CACNA1E: variants seen among roughly 807,000 people sequenced by gnomAD.
CACNA1E encodes the protein voltage-dependent R-type calcium channel subunit alpha-1E.
A neutral mutation model predicts 259.2 loss-of-function variants in CACNA1E; 40 were observed. That is an observed-to-expected ratio of 0.15 (90% CI 0.12 to 0.20). The LOEUF (loss-of-function observed/expected upper bound fraction) is 0.20. CACNA1E is among the 10% of genes least tolerant of loss of function. CACNA1E has a pLI of 1.00. For synonymous variants in CACNA1E, 1,104 were observed against 1,138.5 expected (o/e 0.97, Z 0.61); for missense variants, 1,874 against 3,040.1 (o/e 0.62, Z 9.02).
intron 3 of CACNA1E, among the ~76,000 whole-genome samples, chr1:181,539,748 G>A (rs1350141418): frequency 6.6e-6 from 1 of 152,194 alleles, no homozygotes; most frequent in Non-Finnish European, 1.5e-5. Flanking sequence ...TGAATATTAT[G>A]TATAAAACCA....
intron 38 of CACNA1E, among the ~76,000 whole-genome samples, chr1:181,779,084 G>A (rs1017920207): frequency 7.2e-5 from 11 of 152,190 alleles, no homozygotes; most frequent in African/African-American, 1.4e-4. Context: ...TCTGGACAGC[G>A]GTCTGAGTCA....
chr1:181,649,956 A>G (rs1364890722), intron 6 of CACNA1E, among the ~76,000 whole-genome samples: 1 of 152,236 alleles, frequency 6.6e-6, no homozygotes, highest in African/African-American at 2.4e-5. Context: ...CCCCTCTGAC[A>G]TGAATTTACC....
At chr1:181,726,351 AC>A (rs1392873280) in intron 18 of CACNA1E, among the ~76,000 whole-genome samples, 189 bp downstream of exon 18, 42 of 152,226 alleles carry the variant, frequency 2.8e-4, no homozygotes, top group Admixed American at 2.7e-3. Flanking sequence ...TAGATAATAA[AC>A]ATGCACATCA....
chr1:181,647,412 T>C (rs199974), intron 6 of CACNA1E, among the ~76,000 whole-genome samples: 147,200 of 152,224 alleles, frequency 0.97, 71,361 homozygotes, highest in Non-Finnish European at 1. Flanking sequence ...GTCACAGAAG[T>C]TGGGGGGGAT....
chr1:181,771,126 A>T (rs1362260143), intron 35 of CACNA1E, among the ~76,000 whole-genome samples, 167 bp from the exon 36 acceptor site: 3 of 152,170 alleles, frequency 2.0e-5, no homozygotes, highest in Non-Finnish European at 4.4e-5. Flanking sequence ...TTATTCTTGC[A>T]TATCAGCCCA....
intron 2 of CACNA1E, among the ~76,000 whole-genome samples, chr1:181,446,738 G>A (rs767912100): frequency 2.5e-4 from 38 of 152,162 alleles, no homozygotes; most frequent in Admixed American, 1.2e-3. Context: ...TTGTAGAGCA[G>A]ATTTTCACAT....
chr1:181,502,765 C>A (rs1055787710), intron 1 of CACNA1E, among the ~76,000 whole-genome samples: 2 of 152,182 alleles, frequency 1.3e-5, no homozygotes, highest in Non-Finnish European at 2.9e-5. Context: ...GTGGTATGAT[C>A]TCGGCTCACC....
At chr1:181,699,940 G>T (rs1182782721) in intron 7 of CACNA1E, among the ~76,000 whole-genome samples, 1 of 152,164 alleles carries the variant, frequency 6.6e-6, no homozygotes, top group African/African-American at 2.4e-5. Flanking sequence ...CCAAGTAGCT[G>T]ATGTCAAGTT....
intron 1 of CACNA1E, among the ~76,000 whole-genome samples, chr1:181,335,767 G>A (rs1335991796): frequency 3.9e-5 from 6 of 152,172 alleles, no homozygotes; most frequent in Non-Finnish European, 8.8e-5. Flanking sequence ...CCTGACATAT[G>A]GACACTTCAG....
At chr1:181,595,674 C>T (rs543253697) in intron 6 of CACNA1E, among the ~76,000 whole-genome samples, 4 of 152,226 alleles carry the variant, frequency 2.6e-5, no homozygotes, top group East Asian at 1.9e-4. Flanking sequence ...GAGAGGCATC[C>T]GTGGCTGGCC....
chr1:181,556,504 G>A (rs1648736446), intron 3 of CACNA1E, among the ~76,000 whole-genome samples: 1 of 152,308 alleles, frequency 6.6e-6, no homozygotes, highest in East Asian at 1.9e-4. Flanking sequence ...GGGAGGCAGA[G>A]GGTGGAGCAG....
At chr1:181,594,336 A>G (rs1652949312) in intron 6 of CACNA1E, among the ~76,000 whole-genome samples, 1 of 152,226 alleles carries the variant, frequency 6.6e-6, no homozygotes, top group South Asian at 2.1e-4. Flanking sequence ...TGAGTATTTT[A>G]GAAAACCACA....
At chr1:181,543,518 T>C (rs907009488) in intron 3 of CACNA1E, among the ~76,000 whole-genome samples, 1 of 152,192 alleles carries the variant, frequency 6.6e-6, no homozygotes, top group Non-Finnish European at 1.5e-5. Context: ...GGAATAGTGC[T>C]TTCAGAACAG....
intron 6 of CACNA1E, among the ~76,000 whole-genome samples, chr1:181,599,668 G>A (rs989032539): frequency 4.6e-5 from 7 of 152,162 alleles, no homozygotes; most frequent in African/African-American, 9.7e-5. Context: ...CTTGCATATC[G>A]TGTGGCATGT....
chr1:181,650,934 A>G (rs892512881), intron 6 of CACNA1E, among the ~76,000 whole-genome samples: 4 of 152,200 alleles, frequency 2.6e-5, no homozygotes, highest in African/African-American at 4.8e-5. Context: ...GCTAGCATCC[A>G]TGGAATAGAT....
chr1:181,488,581 T>A (rs1664051737), intron 1 of CACNA1E, among the ~76,000 whole-genome samples: 1 of 152,170 alleles, frequency 6.6e-6, no homozygotes. Flanking sequence ...GTGGGGACCA[T>A]TTATAATTGG....
rs531077831 is a variant in CACNA1E at position 181,547,599 on chromosome 1, G to A, written c.513-30167G>A. On this transcript the variant is annotated intron_variant, in intron 3 of 47. Coordinates refer to ENST00000367573, the MANE Select transcript of CACNA1E (RefSeq NM_001205293.3). ...CCAGACCTCTCACTCCTAGTCCAGC[G>A]CTCCTTCCACCACACCATGCTGCCC... 8.5e-5 allele frequency among the ~76,000 whole-genome samples: 13 copies of A among 152,290 alleles called. No homozygotes were observed. In the East Asian group the frequency reaches 1.9e-3, roughly 23 times the overall value.
At chr1:181,321,145 C>T (rs1273862699) in intron 1 of CACNA1E, among the ~76,000 whole-genome samples, 3 of 152,144 alleles carry the variant, frequency 2.0e-5, no homozygotes, top group Non-Finnish European at 4.4e-5. Context: ...TTCATTACCT[C>T]GAGGACGGTG....
chr1:181,617,850 T>C (rs1182735547), intron 6 of CACNA1E, among the ~76,000 whole-genome samples: 1 of 152,202 alleles, frequency 6.6e-6, no homozygotes, highest in African/African-American at 2.4e-5. Flanking sequence ...GATGTGCCAT[T>C]AGGGCTTTGC....
Sources: allele counts gnomAD v4.1 joint callset (sites outside exome capture counted in the v4.1 genomes callset), GRCh38; gene constraint gnomAD v4.1.1; transcripts MANE v1.5; gene names NCBI Gene and HGNC (gene_info 2026-07-23, HGNC 2026-07-21).